Variants in LRP1B observed in about 807,000 individuals in gnomAD.
The protein encoded by LRP1B is LDL receptor related protein 1B.
In LRP1B, 217 loss-of-function variants were observed where a neutral mutation model predicts 556.6. That is an observed-to-expected ratio of 0.39 (90% CI 0.35 to 0.44). The LOEUF (loss-of-function observed/expected upper bound fraction) is 0.44, where lower values mean the gene tolerates loss of function less well. Ranked by LOEUF, LRP1B falls within the 20% of genes least tolerant of loss-of-function variation. The pLI is 1.00. For missense variants in LRP1B, 5,053 were observed against 5,620.8 expected (o/e 0.90, Z 3.23); for synonymous variants, 2,047 against 1,865.8 (o/e 1.10, Z -2.50).
In LRP1B at chr2:140,811,776, A is replaced by G. The variant is rs117644452; in HGVS notation, c.5359+1881T>C. 6.0e-3 allele frequency among the ~76,000 whole-genome samples: 920 copies of G among 152,220 alleles called. 25 individuals are homozygous for G. In the East Asian group the frequency reaches 0.091, roughly 15 times the overall value. ...TTTTTTAAAAAAAGTCATCTTATAG[A>G]CACTATGAAACAATTGTCAATAAAT... On this transcript the variant is annotated intron_variant, in intron 32 of 90. Coordinates refer to ENST00000389484, the MANE Select transcript of LRP1B (RefSeq NM_018557.3).
intron 1 of LRP1B, among the ~76,000 whole-genome samples, chr2:142,042,498 CA>C (rs1454803941): frequency 1.3e-5 from 2 of 151,436 alleles, no homozygotes; most frequent in East Asian, 3.9e-4. Context: ...TCTGTATTTA[CA>C]ACTGTATACC....
chr2:140,341,967 G>A (rs1026178642), intron 77 of LRP1B, among the ~76,000 whole-genome samples: 3 of 151,206 alleles, frequency 2.0e-5, no homozygotes, highest in Admixed American at 6.6e-5. Flanking sequence ...GTTAAATCGA[G>A]GTTTTTCTAA....
At chr2:141,714,394 G>GT (rs1236716417) in intron 2 of LRP1B, among the ~76,000 whole-genome samples, 1 of 144,490 alleles carries the variant, frequency 6.9e-6, no homozygotes, top group African/African-American at 2.5e-5. Context: ...TGTGAATGAT[G>GT]TTTTTTGGTT....
intron 15 of LRP1B, among the ~76,000 whole-genome samples, chr2:140,999,902 C>A (rs1697363650): frequency 6.6e-6 from 1 of 151,854 alleles, no homozygotes; most frequent in South Asian, 2.1e-4. Flanking sequence ...GGTGACAGGA[C>A]TATTTACTTA....
At chr2:141,024,187 G>A (rs1212528795) in intron 11 of LRP1B, among the ~76,000 whole-genome samples, 2 of 151,966 alleles carry the variant, frequency 1.3e-5, no homozygotes, top group African/African-American at 2.4e-5. Flanking sequence ...TGCTGAATAA[G>A]CTGTCTCATG....
intron 85 of LRP1B, among the ~76,000 whole-genome samples, chr2:140,272,563 G>A (rs964591422): frequency 6.6e-6 from 1 of 151,858 alleles, no homozygotes; most frequent in Admixed American, 6.6e-5. Flanking sequence ...CTGCCTATTT[G>A]TAATAACAAA....
At chr2:142,024,749 C>G (rs904022203) in intron 1 of LRP1B, among the ~76,000 whole-genome samples, 1 of 151,278 alleles carries the variant, frequency 6.6e-6, no homozygotes, top group Non-Finnish European at 1.5e-5. Context: ...TACAGCTGCT[C>G]TATAATCTGA....
At chr2:140,938,756 C>T (rs868753314) in intron 20 of LRP1B, among the ~76,000 whole-genome samples, 2 of 152,042 alleles carry the variant, frequency 1.3e-5, no homozygotes, top group Non-Finnish European at 2.9e-5. Context: ...TAGTGGGTCA[C>T]TAACATACAT....
At chr2:140,291,318 A>ATATATATATATATTTTTTTTT (rs369391920) in intron 84 of LRP1B, among the ~76,000 whole-genome samples, 1 of 109,334 alleles carries the variant, frequency 9.1e-6, no homozygotes, top group East Asian at 2.7e-4. Context: ...ATATATATAT[A>ATATATATATATATTTTTTTTT]TTTTTATTAT....
At chr2:141,314,565 G>A (rs1686927270) in intron 3 of LRP1B, among the ~76,000 whole-genome samples, 4 of 151,824 alleles carry the variant, frequency 2.6e-5, no homozygotes, top group Non-Finnish European at 4.4e-5. Flanking sequence ...GTGGAGGTGG[G>A]CGGGTCACCA....
rs2105167118 is a variant in LRP1B, at chr2:140,371,276, G to A, written c.10778C>T (p.Thr3593Ile). Residue 3593 changes from threonine (T) to isoleucine (I), a missense_variant, in exon 70 of 91, where the codon ACT (threonine) becomes ATT (isoleucine). Thr to Ile is a moderately conservative substitution (Grantham distance 89). This residue lies in a region of LRP1B where 599 missense variants were observed against 648.4 expected (regional missense o/e 0.92). Coordinates refer to ENST00000389484, the MANE Select transcript of LRP1B (RefSeq NM_018557.3). The stretch of plus-strand genomic sequence containing the variant: ...ACATATATATTCACGTGATGAGCAA[G>A]TAGGAGAAGCTGAATACAATTATAA... ...DEKSCEPASP[T>I]CSSREYICAS... The A allele has an allele frequency of 1.3e-6, 2 of 1,558,942 alleles. No individual in the cohort carries two copies. The highest frequency in any genetic ancestry group is 1.7e-6 in the Non-Finnish European group (2 of 1,150,318).
Position 140,866,041 on chromosome 2 carries a change from AATGATGCAATACATAG to A in LRP1B, c.4579+1533_4579+1548del, listed in dbSNP as rs1692940625. On this transcript the variant is annotated intron_variant, in intron 27 of 90. Transcript: ENST00000389484. ...ATTGATCCTATTTTGGGTGAGGAGG[AATGATGCAATACATAG>A]ATGATGCAATACATAGATGAAGGCC... is the stretch of plus-strand genomic sequence containing the variant. 2.0e-5 allele frequency among the ~76,000 whole-genome samples: 3 copies of A among 152,232 alleles called. No individual in the cohort carries two copies. The South Asian group carries it at 6.2e-4, about 32-fold the overall frequency.
intron 35 of LRP1B, among the ~76,000 whole-genome samples, chr2:140,741,280 T>C (rs1688128747): frequency 6.6e-6 from 1 of 151,984 alleles, no homozygotes; most frequent in Admixed American, 6.6e-5. Context: ...TAACAACACA[T>C]ATGACAAAGC....
chr2:141,932,494 A>T (rs1334798132), intron 1 of LRP1B, among the ~76,000 whole-genome samples: 2 of 152,068 alleles, frequency 1.3e-5, no homozygotes, highest in African/African-American at 4.8e-5. Context: ...TACATTTTTC[A>T]TCAGACCTAT....
chr2:141,986,834 T>C (rs1402404049), intron 1 of LRP1B, among the ~76,000 whole-genome samples: 2 of 151,998 alleles, frequency 1.3e-5, no homozygotes, highest in African/African-American at 4.8e-5. Context: ...GTCAAAATTA[T>C]AGCTGATCTT....
chr2:141,649,465 A>C (rs1558780080), intron 2 of LRP1B, among the ~76,000 whole-genome samples: 1 of 152,170 alleles, frequency 6.6e-6, no homozygotes, highest in Non-Finnish European at 1.5e-5. Flanking sequence ...AACTTTATTA[A>C]GAAAAATGCT....
chr2:141,024,510 ACATT>A (rs1413127920), intron 11 of LRP1B, among the ~76,000 whole-genome samples: 2 of 152,022 alleles, frequency 1.3e-5, no homozygotes. Flanking sequence ...TCACTCTATG[ACATT>A]CAGTTATTTT....
At chr2:141,780,925 G>A (rs1695230962) in intron 2 of LRP1B, among the ~76,000 whole-genome samples, 1 of 152,040 alleles carries the variant, frequency 6.6e-6, no homozygotes. Flanking sequence ...GAGAAGATGA[G>A]ATAGGTAGCA....
chr2:140,731,769 A>C (rs1453184073), intron 35 of LRP1B, among the ~76,000 whole-genome samples: 3 of 149,932 alleles, frequency 2.0e-5, no homozygotes, highest in South Asian at 4.2e-4. Context: ...TCCGTCAAAA[A>C]AAAAAAAAAA....
Sources: gnomAD v4.1 joint callset for allele counts (sites outside exome capture counted in the v4.1 genomes callset) on GRCh38, gnomAD v4.1.1 for gene constraint, gnomAD v4.1.1 regional missense constraint, MANE v1.5 for transcripts, NCBI Gene and HGNC (gene_info 2026-07-23, HGNC 2026-07-21) for gene names.